Variants in TAF4B observed in about 807,000 individuals in gnomAD.
The protein encoded by TAF4B is TATA-box binding protein associated factor 4b, also known as transcription initiation factor TFIID subunit 4B.
Under a neutral mutation model 86.4 loss-of-function variants are expected in TAF4B, and 38 were observed. That is an observed-to-expected ratio of 0.44 (90% CI 0.34 to 0.58). TAF4B has a LOEUF of 0.58. Among genes scored for constraint, TAF4B ranks in the 20% least tolerant of loss-of-function variants. The pLI is 0.02. For synonymous variants in TAF4B, 388 were observed against 391.2 expected, an observed-to-expected ratio of 0.99 and a Z score of 0.10; for missense variants, 988 against 1,027.6, an observed-to-expected ratio of 0.96 and a Z score of 0.53.
chr18:26,356,767 T>A (rs1453331774), intron 13 of TAF4B, among the ~76,000 whole-genome samples: 1 of 148,232 alleles, frequency 6.7e-6, no homozygotes, highest in Middle Eastern at 3.2e-3. Context: ...CTAGTGGTGT[T>A]CTATTTTGAC....
chr18:26,333,545 A>C (rs1453391587), intron 12 of TAF4B, among the ~76,000 whole-genome samples: 2 of 152,042 alleles, frequency 1.3e-5, no homozygotes, highest in Admixed American at 6.6e-5. Context: ...ACGTGTCACT[A>C]TGCCTGGCTA....
At position 26,315,161 on chromosome 18, in the gene TAF4B, T is replaced by TCTCTCTCTCTCTCTCA. The variant is rs1282068871; in HGVS notation, c.1833-67_1833-66insTCTCTCTCTCTCTCAC. On this transcript the variant is annotated intron_variant, in intron 9 of 14. Coordinates refer to ENST00000269142, the MANE Select transcript of TAF4B (RefSeq NM_005640.3). ...CTCTCTCTCTGTCTCTCTCTCTCTC[T>TCTCTCTCTCTCTCTCA]CACACACACACACACACACACACAC... The TCTCTCTCTCTCTCTCA allele has an allele frequency of 3.6e-4, 80 of 222,934 alleles. 4 individuals carry two copies. The highest frequency in any genetic ancestry group is 2.0e-3 in the East Asian group (21 of 10,386). The allele number at this position is 222,934 out of a possible 1,614,324, so 13.8% of individuals were successfully genotyped here.
intron 1 of TAF4B, among the ~76,000 whole-genome samples, chr18:26,261,347 C>T (rs1296209065): frequency 6.6e-6 from 1 of 151,220 alleles, no homozygotes; most frequent in Non-Finnish European, 1.5e-5. Context: ...ACTACAGGCG[C>T]CCGCCACTAC....
intron 14 of TAF4B, among the ~76,000 whole-genome samples, chr18:26,389,042 C>T (rs1169974856): frequency 6.6e-6 from 1 of 152,042 alleles, no homozygotes; most frequent in Non-Finnish European, 1.5e-5. Context: ...AAACTCCTGA[C>T]CTCAGGTGAT....
intron 9 of TAF4B, among the ~76,000 whole-genome samples, chr18:26,307,663 G>C (rs1222926479): frequency 1.3e-5 from 2 of 152,098 alleles, no homozygotes; most frequent in African/African-American, 2.4e-5. Flanking sequence ...GACACTCTTG[G>C]AAAATAATAT....
At chr18:26,234,195 C>G (rs2055713984) in intron 1 of TAF4B, among the ~76,000 whole-genome samples, 1 of 152,234 alleles carries the variant, frequency 6.6e-6, no homozygotes, top group African/African-American at 2.4e-5. Flanking sequence ...AAGGGTTCCT[C>G]CATAGGTATT....
rs749338378 is a variant in TAF4B, at chr18:26,227,218, C to A, written c.285C>A (p.Ala95=). The part of the protein sequence containing the change: ...GPRLPAPQIV[A]VKAPNTTTIQ... Reference sequence around the variant, plus strand: ...GGCTGCCTGCTCCTCAGATAGTCGCCGTGAAAGCCCCCAACACCACGACAA... The same window carrying A: ...GGCTGCCTGCTCCTCAGATAGTCGCAGTGAAAGCCCCCAACACCACGACAA... Residue 95 remains alanine, a synonymous_variant, in exon 1 of 15, where the codon GCC becomes GCA. Transcript: ENST00000269142. The A allele has an allele frequency of 7.4e-6, 12 of 1,613,820 alleles. No homozygotes were observed. Among genetic ancestry groups the A allele is most frequent in the Middle Eastern group, 1.6e-4 (1 of 6,084 alleles).
chr18:26,251,082 C>T (rs1436220665), intron 1 of TAF4B, among the ~76,000 whole-genome samples: 3 of 152,100 alleles, frequency 2.0e-5, no homozygotes, highest in Non-Finnish European at 4.4e-5. Flanking sequence ...AACAACTTAG[C>T]GTCTAAGTGT....
intron 14 of TAF4B, among the ~76,000 whole-genome samples, chr18:26,358,693 G>A (rs1198772047): frequency 1.3e-5 from 2 of 152,150 alleles, no homozygotes; most frequent in African/African-American, 4.8e-5. Flanking sequence ...CTGGGCGACA[G>A]AGCGAGACTC....
In TAF4B at chr18:26,326,902, T is replaced by G. The variant is rs1299534985; in HGVS notation, c.2134-113T>G. 4 of 1,224,994 alleles carry G rather than the reference T, an allele frequency of 3.3e-6. No individual in the cohort carries two copies. In the African/African-American group the frequency reaches 5.9e-5, roughly 18 times the overall value. 75.9% of individuals were successfully genotyped at this position (1,224,994 alleles called of 1,614,324 possible). ...AACAAAATCATTACCTTCTGAAAGTTCAGCTTCCTATTTATGTTGGTATTC... is the reference window on the plus strand; with the variant it reads ...AACAAAATCATTACCTTCTGAAAGTGCAGCTTCCTATTTATGTTGGTATTC... On this transcript the variant is annotated intron_variant, in intron 11 of 14. Transcript: ENST00000269142.
chr18:26,336,170 A>G (rs1178792737), intron 13 of TAF4B, among the ~76,000 whole-genome samples: 3 of 152,190 alleles, frequency 2.0e-5, no homozygotes, highest in Non-Finnish European at 4.4e-5. Flanking sequence ...GACGTGTGAT[A>G]TGGAGCTGAA....
At position 26,286,070 on chromosome 18, in the gene TAF4B, A is replaced by G. The variant is rs923622732; in HGVS notation, c.1161A>G (p.Ala387=). Residue 387 remains alanine (A), a synonymous_variant, in exon 7 of 15, where the codon GCA becomes GCG. Transcript: ENST00000269142. ...CAATTATTGTTTCTGGAGCAACAGC[A>G]CCCAGAACTGTGTCAGTGCAAACTT... ...EKSIIVSGAT[A]PRTVSVQTLN... 3 of 1,614,220 alleles carry G rather than the reference A, an allele frequency of 1.9e-6. No individual in the cohort carries two copies. Among genetic ancestry groups the G allele is most frequent in the Non-Finnish European group, 2.5e-6 (3 of 1,180,028 alleles).
rs2056254109 is a variant in TAF4B at position 26,267,379 on chromosome 18, T to G, written c.490-137T>G. On this transcript the variant is annotated intron_variant, in intron 2 of 14. Coordinates refer to ENST00000269142, the MANE Select transcript of TAF4B (RefSeq NM_005640.3). The stretch of plus-strand genomic sequence containing the variant: ...TTAGGTTTATAGTATAGAATGTGCA[T>G]AAAACACATTAGGTTATAACTCCAG... The G allele has an allele frequency of 9.8e-6, 6 of 615,080 alleles. No individual in the cohort carries two copies. In the South Asian group the frequency reaches 1.3e-4, roughly 13 times the overall value. The allele number at this position is 615,080 out of a possible 1,614,324, so 38.1% of individuals were successfully genotyped here. A position where few individuals can be genotyped will look rare whatever the true frequency, so the allele number is the denominator to read the frequency against.
intron 9 of TAF4B, among the ~76,000 whole-genome samples, chr18:26,308,277 A>C (rs2144651194): frequency 6.6e-6 from 1 of 152,280 alleles, no homozygotes; most frequent in African/African-American, 2.4e-5. Flanking sequence ...GAGGTTGTTG[A>C]ACATTCCAAG....
chr18:26,319,600 T>C (rs1199753134), intron 10 of TAF4B, among the ~76,000 whole-genome samples: 1 of 152,128 alleles, frequency 6.6e-6, no homozygotes, highest in African/African-American at 2.4e-5. Context: ...ATTTTTATTT[T>C]TTTTTTGAGA....
intron 9 of TAF4B, among the ~76,000 whole-genome samples, chr18:26,306,492 C>A (rs1316130389): frequency 2.6e-5 from 4 of 152,162 alleles, no homozygotes; most frequent in Admixed American, 6.5e-5. Flanking sequence ...TGAAAGCTTA[C>A]AATGATTGTT....
intron 8 of TAF4B, 74 bp downstream of exon 8, chr18:26,292,455 CTG>C: frequency 6.7e-7 from 1 of 1,488,194 alleles, no homozygotes; most frequent in African/African-American, 1.4e-5. Flanking sequence ...TTTTTTGTTG[CTG>C]TGTTAAGAGA....
At chr18:26,352,772 C>T (rs1447531909) in intron 13 of TAF4B, among the ~76,000 whole-genome samples, 1 of 152,158 alleles carries the variant, frequency 6.6e-6, no homozygotes, top group African/African-American at 2.4e-5. Context: ...ACACCCCTCT[C>T]TCCAAAAGCA....
intron 3 of TAF4B, among the ~76,000 whole-genome samples, chr18:26,268,355 T>TA (rs2056268891): frequency 6.6e-6 from 1 of 152,192 alleles, no homozygotes. Context: ...AGGAGGCTAA[T>TA]ACGATGAACT....
Sources: gnomAD v4.1 joint callset for allele counts (sites outside exome capture counted in the v4.1 genomes callset) on GRCh38, gnomAD v4.1.1 for gene constraint, MANE v1.5 for transcripts, NCBI Gene and HGNC (gene_info 2026-07-23, HGNC 2026-07-21) for gene names.